Variants in CNTNAP2 observed in about 807,000 individuals in gnomAD.
CNTNAP2 encodes contactin-associated protein-like 2.
CNTNAP2 carries 98 observed loss-of-function variants against 155.2 expected under a neutral mutation model. That is an observed-to-expected ratio of 0.63 (90% CI 0.54 to 0.75). The LOEUF (loss-of-function observed/expected upper bound fraction) is 0.75. CNTNAP2 is among the 30% of genes least tolerant of loss of function. The pLI is 0.00. For synonymous variants in CNTNAP2, 651 were observed against 631.2 expected, an observed-to-expected ratio of 1.03 and a Z score of -0.47; for missense variants, 1,727 against 1,688.1, an observed-to-expected ratio of 1.02 and a Z score of -0.40.
intron 9 of CNTNAP2, among the ~76,000 whole-genome samples, chr7:147,359,591 A>G (rs1016838017): frequency 1.3e-5 from 2 of 152,040 alleles, no homozygotes; most frequent in Non-Finnish European, 2.9e-5. Flanking sequence ...GACCCACCCC[A>G]TGCTATTTCT....
chr7:147,653,581 G>A (rs1331678784), intron 13 of CNTNAP2, among the ~76,000 whole-genome samples: 1 of 152,160 alleles, frequency 6.6e-6, no homozygotes, highest in Non-Finnish European at 1.5e-5. Flanking sequence ...AAGTAGGAGG[G>A]AGAGCAGACT....
chr7:146,655,413 C>CAAAAAAAAAA (rs66710703), intron 1 of CNTNAP2, among the ~76,000 whole-genome samples: 3 of 74,282 alleles, frequency 4.0e-5, no homozygotes, highest in Admixed American at 1.8e-4. Flanking sequence ...GACTCTGTCT[C>CAAAAAAAAAA]AAAAAAAAAA....
intron 21 of CNTNAP2, among the ~76,000 whole-genome samples, chr7:148,304,305 C>T (rs1258766998): frequency 1.3e-5 from 2 of 152,122 alleles, no homozygotes; most frequent in Admixed American, 1.3e-4. Context: ...TCTGATAATA[C>T]ATATTAACAC....
intron 1 of CNTNAP2, among the ~76,000 whole-genome samples, chr7:146,399,210 T>C (rs1378230478): frequency 6.6e-6 from 1 of 152,164 alleles, no homozygotes; most frequent in Non-Finnish European, 1.5e-5. Flanking sequence ...TTCTTAGCAA[T>C]TTTCAAATAC....
intron 13 of CNTNAP2, among the ~76,000 whole-genome samples, chr7:147,876,972 G>A (rs1799431010): frequency 6.6e-6 from 1 of 152,124 alleles, no homozygotes; most frequent in African/African-American, 2.4e-5. Context: ...ATTTGTTGTG[G>A]ATTGGGTGGT....
At chr7:146,324,139 G>C (rs1266482745) in intron 1 of CNTNAP2, among the ~76,000 whole-genome samples, 2 of 152,162 alleles carry the variant, frequency 1.3e-5, no homozygotes, top group Non-Finnish European at 2.9e-5. Context: ...GTGGGTGCCT[G>C]TAATCCCAGG....
Position 146,116,813 on chromosome 7 carries a change from T to C in CNTNAP2, c.-64T>C. ...ACAGCCCATCTCCCTTCAAGAACCC[T>C]ACGGAGAGTCGGACTGCATCTCCGC... On this transcript the variant is annotated 5_prime_UTR_variant, in exon 1 of 24. Transcript: ENST00000361727. The surrounding 1 kb of genome is among the most constrained non-coding windows in gnomAD (Gnocchi z 5.5). 1 of 1,337,746 alleles carries C rather than the reference T, an allele frequency of 7.5e-7. No homozygotes were observed. The highest frequency in any genetic ancestry group is 1.0e-6 in the Non-Finnish European group (1 of 968,960). 82.9% of individuals were successfully genotyped at this position (1,337,746 alleles called of 1,614,324 possible).
intron 4 of CNTNAP2, among the ~76,000 whole-genome samples, chr7:147,051,821 T>C (rs538524479): frequency 6.6e-6 from 1 of 152,280 alleles, no homozygotes; most frequent in South Asian, 2.1e-4. Flanking sequence ...ATTTTAAATC[T>C]TAAGTGCAAA....
At chr7:146,870,192 G>A (rs544478288) in intron 3 of CNTNAP2, among the ~76,000 whole-genome samples, 1 of 150,082 alleles carries the variant, frequency 6.7e-6, no homozygotes, top group Non-Finnish European at 1.5e-5. Context: ...GAATTCGGCT[G>A]TGAATCTACC....
chr7:147,213,543 T>A (rs1803202078), intron 8 of CNTNAP2, among the ~76,000 whole-genome samples: 1 of 151,406 alleles, frequency 6.6e-6, no homozygotes, highest in African/African-American at 2.4e-5. Context: ...GTAAATTGTA[T>A]CACTTCATCT....
At chr7:146,803,025 A>G (rs1038277118) in intron 2 of CNTNAP2, among the ~76,000 whole-genome samples, 10 of 152,176 alleles carry the variant, frequency 6.6e-5, no homozygotes, top group Non-Finnish European at 8.8e-5. Context: ...CTTGCAGGTA[A>G]AAAATAAATA....
At chr7:146,858,487 A>G (rs1795036329) in intron 3 of CNTNAP2, among the ~76,000 whole-genome samples, 1 of 152,188 alleles carries the variant, frequency 6.6e-6, no homozygotes, top group African/African-American at 2.4e-5. Context: ...TGAGCCCAGG[A>G]GTTTGAGACC....
intron 4 of CNTNAP2, among the ~76,000 whole-genome samples, chr7:147,048,806 T>C (rs970630064): frequency 2.0e-5 from 3 of 152,248 alleles, no homozygotes; most frequent in East Asian, 1.9e-4. Context: ...ATGTTTTTCA[T>C]GTCTTTTTAT....
chr7:147,982,904 G>A (rs1244124505), intron 15 of CNTNAP2, among the ~76,000 whole-genome samples: 1 of 151,326 alleles, frequency 6.6e-6, no homozygotes, highest in Non-Finnish European at 1.5e-5. Context: ...TGTAATCCCA[G>A]CTACTCAGGA....
intron 13 of CNTNAP2, among the ~76,000 whole-genome samples, chr7:147,848,435 A>G (rs1430530827): frequency 6.6e-6 from 1 of 150,800 alleles, no homozygotes; most frequent in East Asian, 2.0e-4. Context: ...AGGTGAGGCA[A>G]TGCCTCGCCC....
chr7:147,893,255 A>C (rs1167236333), intron 13 of CNTNAP2, among the ~76,000 whole-genome samples: 3 of 152,238 alleles, frequency 2.0e-5, no homozygotes, highest in Non-Finnish European at 2.9e-5. Flanking sequence ...TCTTAATTTA[A>C]ATAGTAAAAG....
chr7:146,806,787 A>G (rs1802975093), intron 2 of CNTNAP2, among the ~76,000 whole-genome samples: 2 of 152,172 alleles, frequency 1.3e-5, no homozygotes, highest in African/African-American at 2.4e-5. Flanking sequence ...AAACAGTGCT[A>G]GAGACACAGA....
intron 15 of CNTNAP2, among the ~76,000 whole-genome samples, chr7:147,994,116 C>T (rs1418924532): frequency 6.6e-6 from 1 of 152,068 alleles, no homozygotes; most frequent in Non-Finnish European, 1.5e-5. Flanking sequence ...ACACCTGTAA[C>T]CCCAGCACTT....
intron 5 of CNTNAP2, among the ~76,000 whole-genome samples, chr7:147,116,786 A>T (rs1338031982): frequency 6.6e-6 from 1 of 152,142 alleles, no homozygotes; most frequent in Admixed American, 6.5e-5. Flanking sequence ...CCCAGCTGGG[A>T]GGTCCCACCC....
Sources: allele counts gnomAD v4.1 joint callset (sites outside exome capture counted in the v4.1 genomes callset), GRCh38; gene constraint gnomAD v4.1.1; non-coding constraint Gnocchi (gnomAD v3.1); transcripts MANE v1.5; gene names NCBI Gene and HGNC (gene_info 2026-07-23, HGNC 2026-07-21).